CSNK1G3: variants seen among roughly 807,000 people sequenced by gnomAD.
CSNK1G3 encodes casein kinase I isoform gamma-3.
A neutral mutation model predicts 64.3 loss-of-function variants in CSNK1G3; 23 were observed. The observed-to-expected ratio is 0.36, with a 90% confidence interval of 0.26 to 0.51. CSNK1G3 has a LOEUF of 0.51. Among genes scored for constraint, CSNK1G3 ranks in the 20% least tolerant of loss-of-function variants. The pLI, the probability that CSNK1G3 is intolerant of heterozygous loss-of-function variation, is 0.96. For synonymous variants in CSNK1G3, 158 were observed against 162.2 expected (o/e 0.97, Z 0.20); for missense variants, 357 against 510.5 (o/e 0.70, Z 2.90).
chr5:123,610,844 G>A (rs183212421), intron 12 of CSNK1G3, among the ~76,000 whole-genome samples: 7 of 152,136 alleles, frequency 4.6e-5, no homozygotes, highest in Admixed American at 2.6e-4. Context: ...TTACCAGCTC[G>A]GCGCCTGTAG....
At chr5:123,599,672 A>G (rs780694364) in intron 10 of CSNK1G3, among the ~76,000 whole-genome samples, 1 of 152,202 alleles carries the variant, frequency 6.6e-6, no homozygotes, top group Non-Finnish European at 1.5e-5. Context: ...TTAACAAGGA[A>G]CAAAATCTAG....
intron 4 of CSNK1G3, among the ~76,000 whole-genome samples, chr5:123,558,588 T>G (rs1785073844): frequency 6.6e-6 from 1 of 152,182 alleles, no homozygotes. Flanking sequence ...ACATTCTGTT[T>G]TTTCTAAGAG....
chr5:123,553,269 A>T (rs1455620988), intron 3 of CSNK1G3, 122 bp downstream of exon 3: 2 of 460,326 alleles, frequency 4.3e-6, no homozygotes, highest in Non-Finnish European at 7.6e-6. Flanking sequence ...TGACAGTTAT[A>T]TGCATAGCTA....
intron 1 of CSNK1G3, among the ~76,000 whole-genome samples, chr5:123,523,928 T>C (rs1465315527): frequency 6.6e-6 from 1 of 152,206 alleles, no homozygotes; most frequent in Non-Finnish European, 1.5e-5. Flanking sequence ...CAGCCTTCTC[T>C]AGAGGTGGTG....
intron 1 of CSNK1G3, among the ~76,000 whole-genome samples, chr5:123,539,691 C>G (rs1445164822): frequency 6.6e-6 from 1 of 152,100 alleles, no homozygotes; most frequent in Non-Finnish European, 1.5e-5. Context: ...GTGCTGATCT[C>G]ACAAAGTAAA....
At chr5:123,548,068 TA>T (rs897113073) in intron 2 of CSNK1G3, among the ~76,000 whole-genome samples, 9 of 152,156 alleles carry the variant, frequency 5.9e-5, no homozygotes, top group African/African-American at 2.2e-4. Flanking sequence ...ATGTTATAGG[TA>T]AGTGATTTTC....
At chr5:123,600,286 A>G (rs889204219) in intron 10 of CSNK1G3, among the ~76,000 whole-genome samples, 2 of 152,172 alleles carry the variant, frequency 1.3e-5, no homozygotes, top group African/African-American at 4.8e-5. Flanking sequence ...CATACATTGT[A>G]TCAAGGTTCT....
exon 2 of CSNK1G3, chr5:123,545,652 C>G: frequency 6.2e-7 from 1 of 1,608,484 alleles, no homozygotes; most frequent in Non-Finnish European, 8.5e-7. Flanking sequence ...AGTGGAGTAC[C>G]GCAAACTTGA....
rs982848981 is a variant in CSNK1G3, at chr5:123,546,093, A to C, written c.178+252A>C. On this transcript the variant is annotated intron_variant, in intron 2 of 12. Transcript: ENST00000345990. ...TATGAGAAAACAAACAATTAAATTA[A>C]AATAGCCCAGTAGGCTGAAATAGCT... The C allele has an allele frequency of 1.0e-5, 4 of 389,022 alleles. No individual in the cohort carries two copies. The Admixed American group carries it at 1.1e-4, about 11-fold the overall frequency. The allele number at this position is 389,022 out of a possible 1,614,324, so 24.1% of individuals were successfully genotyped here. A position where few individuals can be genotyped will look rare whatever the true frequency, so the allele number is the denominator to read the frequency against.
chr5:123,577,983 T>G (rs1440426015), intron 6 of CSNK1G3, among the ~76,000 whole-genome samples: 1 of 151,968 alleles, frequency 6.6e-6, no homozygotes, highest in Non-Finnish European at 1.5e-5. Flanking sequence ...CCAACTTCTT[T>G]TGGTGGGTAT....
chr5:123,578,616 T>A (rs1789630549), intron 6 of CSNK1G3, among the ~76,000 whole-genome samples: 1 of 151,948 alleles, frequency 6.6e-6, no homozygotes, highest in South Asian at 2.1e-4. Flanking sequence ...ATTTTTGAAG[T>A]CTAGTTTATC....
At chr5:123,564,391 T>C (rs1423398806) in intron 4 of CSNK1G3, among the ~76,000 whole-genome samples, 1 of 152,092 alleles carries the variant, frequency 6.6e-6, no homozygotes, top group East Asian at 1.9e-4. Flanking sequence ...ATATACATAA[T>C]TTTTGTAATT....
At chr5:123,527,330 A>G (rs183781618) in intron 1 of CSNK1G3, among the ~76,000 whole-genome samples, 3 of 152,274 alleles carry the variant, frequency 2.0e-5, no homozygotes, top group African/African-American at 2.4e-5. Context: ...CTTTGGGTCA[A>G]TTCTCAGTCT....
chr5:123,517,779 A>G (rs186524491), intron 1 of CSNK1G3, among the ~76,000 whole-genome samples: 90 of 152,310 alleles, frequency 5.9e-4, no homozygotes, highest in Admixed American at 2.0e-3. Flanking sequence ...TAAAATGTAT[A>G]GAGTTTGTAG....
chr5:123,614,397 C>T, exon 13 of CSNK1G3: 1 of 1,612,638 alleles, frequency 6.2e-7, no homozygotes, highest in Non-Finnish European at 8.5e-7. Context: ...CCACAAATGA[C>T]TCTGGACACA....
At chr5:123,572,317 A>T (rs1374010187) in intron 4 of CSNK1G3, among the ~76,000 whole-genome samples, 1 of 152,148 alleles carries the variant, frequency 6.6e-6, no homozygotes, top group South Asian at 2.1e-4. Flanking sequence ...ATTTCAGTTT[A>T]TTGGGAGTCT....
chr5:123,613,432 T>TGTGC (rs1437223035), intron 12 of CSNK1G3, among the ~76,000 whole-genome samples: 10 of 148,072 alleles, frequency 6.8e-5, no homozygotes, highest in African/African-American at 2.0e-4. Context: ...TGTGTGTGTG[T>TGTGC]GCGTATGTAT....
chr5:123,529,289 C>T (rs1351066630), intron 1 of CSNK1G3, among the ~76,000 whole-genome samples: 1 of 152,084 alleles, frequency 6.6e-6, no homozygotes, highest in Non-Finnish European at 1.5e-5. Flanking sequence ...CAGAGGCTGG[C>T]GGAACATAAC....
intron 1 of CSNK1G3, among the ~76,000 whole-genome samples, chr5:123,535,679 T>G (rs777985086): frequency 2.0e-5 from 3 of 152,162 alleles, no homozygotes; most frequent in Non-Finnish European, 2.9e-5. Context: ...CATCTACATC[T>G]TTTATTATTT....
Sources: gnomAD v4.1 joint callset for allele counts (sites outside exome capture counted in the v4.1 genomes callset) on GRCh38, gnomAD v4.1.1 for gene constraint, MANE v1.5 for transcripts, NCBI Gene and HGNC (gene_info 2026-07-23, HGNC 2026-07-21) for gene names.